The following PRKD1 variants were observed in gnomAD, a reference collection of about 807,000 sequenced individuals.
PRKD1 encodes the protein serine/threonine-protein kinase D1.
Under a neutral mutation model 95.9 loss-of-function variants are expected in PRKD1, and 63 were observed. That is an observed-to-expected ratio of 0.66 (90% CI 0.54 to 0.81). The LOEUF (loss-of-function observed/expected upper bound fraction) is 0.81, where lower values mean the gene tolerates loss of function less well. Among genes scored for constraint, PRKD1 ranks in the 30% least tolerant of loss-of-function variants. PRKD1 has a pLI of 0.00. For missense variants in PRKD1, 1,048 were observed against 1,165.3 expected (o/e 0.90, Z 1.47); for synonymous variants, 425 against 423.1 (o/e 1.00, Z -0.05).
At position 29,780,187 on chromosome 14, in the gene PRKD1, A is replaced by G. The variant is rs533143116; in HGVS notation, c.265-54513T>C. 3.4e-4 allele frequency among the ~76,000 whole-genome samples: 52 copies of G among 152,336 alleles called. No homozygotes were observed. The Middle Eastern group carries it at 0.01, about 30-fold the overall frequency. On this transcript the variant is annotated intron_variant, in intron 1 of 17. Coordinates refer to ENST00000331968, the MANE Select transcript of PRKD1 (RefSeq NM_002742.3). ...TTAGACCTAAAACCATAAAAACCCT[A>G]GAAGAAAACCTAGGCAATACCATTC...
intron 1 of PRKD1, among the ~76,000 whole-genome samples, chr14:29,897,179 A>C (rs1365705242): frequency 6.6e-6 from 1 of 152,070 alleles, no homozygotes; most frequent in Non-Finnish European, 1.5e-5. Context: ...TATCGTGGAC[A>C]TCTTTCATGT....
At chr14:29,625,177 C>T (rs1566494897) in intron 12 of PRKD1, among the ~76,000 whole-genome samples, 1 of 152,094 alleles carries the variant, frequency 6.6e-6, no homozygotes, top group Admixed American at 6.6e-5. Context: ...ATCAAATCAG[C>T]TTGTGTTCAT....
At chr14:29,651,008 A>G (rs1881459082) in intron 4 of PRKD1, among the ~76,000 whole-genome samples, 1 of 152,118 alleles carries the variant, frequency 6.6e-6, no homozygotes. Context: ...CAATTCTTTA[A>G]TTTTTCTACT....
chr14:29,709,814 A>G (rs1384984898), intron 2 of PRKD1, among the ~76,000 whole-genome samples: 1 of 152,182 alleles, frequency 6.6e-6, no homozygotes, highest in Non-Finnish European at 1.5e-5. Flanking sequence ...AATCTACTTT[A>G]TTCCATCTAC....
At chr14:29,743,618 T>A (rs1007736878) in intron 1 of PRKD1, among the ~76,000 whole-genome samples, 1 of 152,166 alleles carries the variant, frequency 6.6e-6, no homozygotes, top group Non-Finnish European at 1.5e-5. Context: ...ACATTCAAGA[T>A]ATATTGCACT....
rs79134150 is a variant in PRKD1 at position 29,911,863 on chromosome 14, T to C, written c.264+15386A>G. On this transcript the variant is annotated intron_variant, in intron 1 of 17. Coordinates refer to ENST00000331968, the MANE Select transcript of PRKD1 (RefSeq NM_002742.3). The stretch of plus-strand genomic sequence containing the variant: ...ATCTTTTCTAGCCTTTTGCAGCTTC[T>C]AGCTTTTCCTATGTTCCTTGGCTCA... 2.1e-3 allele frequency among the ~76,000 whole-genome samples: 317 copies of C among 152,338 alleles called. 9 individuals carry two copies. In the East Asian group the frequency reaches 0.058, roughly 28 times the overall value.
At chr14:29,736,312 A>C (rs1594471494) in intron 1 of PRKD1, among the ~76,000 whole-genome samples, 1 of 152,196 alleles carries the variant, frequency 6.6e-6, no homozygotes, top group Admixed American at 6.5e-5. Flanking sequence ...CCTAAATAGA[A>C]ACTATATACA....
intron 4 of PRKD1, among the ~76,000 whole-genome samples, chr14:29,649,115 G>T (rs1881327053): frequency 6.6e-6 from 1 of 152,222 alleles, no homozygotes; most frequent in Non-Finnish European, 1.5e-5. Flanking sequence ...GGGTCCTTTT[G>T]TTCCTTGAGT....
At chr14:29,721,203 C>A (rs1390416048) in intron 2 of PRKD1, among the ~76,000 whole-genome samples, 1 of 152,208 alleles carries the variant, frequency 6.6e-6, no homozygotes, top group Non-Finnish European at 1.5e-5. Context: ...GCTCCCTTCT[C>A]TTGATAGTGA....
intron 1 of PRKD1, among the ~76,000 whole-genome samples, chr14:29,796,062 C>G (rs1229860433): frequency 6.6e-6 from 1 of 152,102 alleles, no homozygotes; most frequent in Non-Finnish European, 1.5e-5. Context: ...TTGTAACACT[C>G]TTCTAAACAA....
chr14:29,872,282 TATA>T (rs1253539360), intron 1 of PRKD1, among the ~76,000 whole-genome samples: 2 of 152,190 alleles, frequency 1.3e-5, no homozygotes, highest in Non-Finnish European at 2.9e-5. Flanking sequence ...GTACTTAAAA[TATA>T]ATGACAAAAA....
At chr14:29,802,930 G>T (rs561778542) in intron 1 of PRKD1, among the ~76,000 whole-genome samples, 2 of 152,192 alleles carry the variant, frequency 1.3e-5, no homozygotes, top group African/African-American at 4.8e-5. Context: ...TACTAGCCTG[G>T]ATTTATCTTC....
At chr14:29,782,524 C>T (rs939738967) in intron 1 of PRKD1, among the ~76,000 whole-genome samples, 3 of 151,704 alleles carry the variant, frequency 2.0e-5, no homozygotes, top group Non-Finnish European at 2.9e-5. Context: ...AAAAATATTT[C>T]AATTGCTTTT....
chr14:29,804,940 A>G (rs1890176723), intron 1 of PRKD1, among the ~76,000 whole-genome samples: 1 of 152,194 alleles, frequency 6.6e-6, no homozygotes, highest in Admixed American at 6.5e-5. Flanking sequence ...TTAAAGTGCT[A>G]AATTATAGAA....
intron 1 of PRKD1, among the ~76,000 whole-genome samples, chr14:29,746,397 T>C (rs573942790): frequency 2.0e-5 from 3 of 152,192 alleles, no homozygotes; most frequent in East Asian, 1.9e-4. Flanking sequence ...CCTGGCTTCA[T>C]GGCTTTTGTT....
At chr14:29,914,006 A>G (rs1344893601) in intron 1 of PRKD1, among the ~76,000 whole-genome samples, 2 of 152,234 alleles carry the variant, frequency 1.3e-5, no homozygotes, top group Admixed American at 1.3e-4. Flanking sequence ...ACATCAAAGA[A>G]AAGCACCTTT....
At chr14:29,610,981 G>C (rs1305013385) in intron 13 of PRKD1, among the ~76,000 whole-genome samples, 2 of 152,202 alleles carry the variant, frequency 1.3e-5, no homozygotes, top group African/African-American at 4.8e-5. Flanking sequence ...ACAACAGAAA[G>C]ATCAGTGGCT....
In PRKD1 at chr14:29,577,452, T is replaced by C. The variant is rs1321362869; in HGVS notation, c.2525A>G (p.Tyr842Cys). 16 of 1,613,338 alleles carry C rather than the reference T, an allele frequency of 9.9e-6. No individual in the cohort carries two copies. Among genetic ancestry groups the C allele is most frequent in the African/African-American group, 8.0e-5 (6 of 74,880 alleles). The change falls in exon 18 of 18, where the codon TAT (tyrosine) becomes TGT (cysteine). Residue 842 changes from tyrosine (Y) to cysteine (C), a missense_variant. By Grantham distance (194) the Tyr-to-Cys change is radical. Transcript: ENST00000331968. Reference protein sequence around the residue: ...KTLSHPWLQDYQTWLDLRELE... With the variant: ...KTLSHPWLQDCQTWLDLRELE... ...CTCTCGCAAATCTAACCAGGTCTGATAGTCCTGAAGAAGAAATTCCAAAAT... is the reference window on the plus strand; with the variant it reads ...CTCTCGCAAATCTAACCAGGTCTGACAGTCCTGAAGAAGAAATTCCAAAAT...
intron 1 of PRKD1, among the ~76,000 whole-genome samples, chr14:29,871,970 T>C (rs1302242709): frequency 6.6e-6 from 1 of 152,258 alleles, no homozygotes; most frequent in Non-Finnish European, 1.5e-5. Flanking sequence ...AATGTTTATG[T>C]TCTTGATTCA....
Sources: gnomAD v4.1 joint callset for allele counts (sites outside exome capture counted in the v4.1 genomes callset) on GRCh38, gnomAD v4.1.1 for gene constraint, MANE v1.5 for transcripts, NCBI Gene and HGNC (gene_info 2026-07-23, HGNC 2026-07-21) for gene names.